EEF1AKMT3: variants seen among roughly 807,000 people sequenced by gnomAD.
The protein encoded by EEF1AKMT3 is eEF1A-KMT3.
A neutral mutation model predicts 17.8 loss-of-function variants in EEF1AKMT3; 17 were observed. The ratio of observed to expected loss-of-function variants is 0.96; its 90% CI spans 0.65 to 1.43. EEF1AKMT3 has a LOEUF of 1.43. EEF1AKMT3 is among the 40% of genes most tolerant of loss of function. EEF1AKMT3 has a pLI of 0.00. For synonymous variants in EEF1AKMT3, 116 were observed against 126.5 expected (o/e 0.92, Z 0.56); for missense variants, 244 against 285.8 (o/e 0.85, Z 1.06).
At chr12:57,773,950 G>A (rs1279166950) in intron 2 of EEF1AKMT3, among the ~76,000 whole-genome samples, 1 of 152,174 alleles carries the variant, frequency 6.6e-6, no homozygotes, top group Non-Finnish European at 1.5e-5. Flanking sequence ...GATGTGTTTT[G>A]TAGGAAGCGG....
Position 57,782,252 on chromosome 12 carries a change from G to T in EEF1AKMT3, c.*1606G>T, listed in dbSNP as rs965571407. ...TAATTTGTCTTGCATGGACATTTGT[G>T]ATTCTCATTTTCTCACCATTAAATT... On this transcript the variant is annotated 3_prime_UTR_variant, in exon 3 of 3. Coordinates refer to ENST00000300209, the MANE Select transcript of EEF1AKMT3 (RefSeq NM_015433.3). The T allele has an allele frequency of 2.0e-5, 3 of 152,322 alleles. No homozygotes were observed. The highest frequency in any genetic ancestry group is 7.2e-5 in the African/African-American group (3 of 41,418). The allele number at this position is 152,322 out of a possible 1,614,324, so 9.4% of individuals were successfully genotyped here.
chr12:57,777,481 C>T (rs903201257), intron 2 of EEF1AKMT3, among the ~76,000 whole-genome samples: 10 of 152,186 alleles, frequency 6.6e-5, no homozygotes, highest in African/African-American at 2.4e-4. Context: ...TATCAGCCTA[C>T]CTTTGATAAC....
At chr12:57,773,878 A>T (rs10877014) in intron 2 of EEF1AKMT3, among the ~76,000 whole-genome samples, 2 of 151,988 alleles carry the variant, frequency 1.3e-5, no homozygotes, top group African/African-American at 4.8e-5. Flanking sequence ...TTATGAATAT[A>T]TTTCAGATTC....
rs761840068 is a variant in EEF1AKMT3 at position 57,780,273 on chromosome 12, C to T, written c.308C>T (p.Thr103Ile). ...AALQGGDVTI[T>I]DLPLALEQIQ... ...CTCTCAGGGGGGGATGTTACCATCACTGACCTGCCCCTGGCCCTAGAACAG... is the reference window on the plus strand; with the variant it reads ...CTCTCAGGGGGGGATGTTACCATCATTGACCTGCCCCTGGCCCTAGAACAG... The change falls in exon 3 of 3, where the codon ACT becomes ATT. Residue 103 changes from threonine to isoleucine, a missense_variant. Transcript: ENST00000300209. The T allele has an allele frequency of 1.9e-6, 3 of 1,613,206 alleles. No individual in the cohort carries two copies. Among genetic ancestry groups the T allele is most frequent in the Non-Finnish European group, 2.5e-6 (3 of 1,179,826 alleles).
chr12:57,779,735 C>G (rs981844790), intron 2 of EEF1AKMT3, among the ~76,000 whole-genome samples: 3 of 152,188 alleles, frequency 2.0e-5, no homozygotes, highest in Non-Finnish European at 1.5e-5. Flanking sequence ...TAATCACTTT[C>G]CCTTTGTCTC....
Position 57,780,323 on chromosome 12 carries a change from G to T in EEF1AKMT3, c.358G>T (p.Val120Leu), listed in dbSNP as rs749283251. 9.9e-6 allele frequency: 16 copies of T among 1,614,174 alleles called. No homozygotes were observed. Among genetic ancestry groups the T allele is most frequent in the Non-Finnish European group, 1.4e-5 (16 of 1,180,030 alleles). Reference sequence around the variant, plus strand: ...GATCCAGGGCAACGTCCAGGCCAATGTGCCAGCTGGAGGCCAGGCCCAGGT... The same window carrying T: ...GATCCAGGGCAACGTCCAGGCCAATTTGCCAGCTGGAGGCCAGGCCCAGGT... ...EQIQGNVQAN[V>L]PAGGQAQVRA... The change falls in exon 3 of 3, where the codon GTG becomes TTG. Residue 120 changes from valine to leucine, a missense_variant. Transcript: ENST00000300209.
chr12:57,777,893 C>A lies in EEF1AKMT3; in HGVS notation c.290-2362C>A, dbSNP rs141277723. On this transcript the variant is annotated intron_variant, in intron 2 of 2. Transcript: ENST00000300209. ...AATTAGCCGGGCGTGGTGGCAGGCG[C>A]CTGTAATCCCAGCTACTTGCGAGGC... is the stretch of plus-strand genomic sequence containing the variant. 2.9e-3 allele frequency among the ~76,000 whole-genome samples: 439 copies of A among 152,206 alleles called. 7 individuals carry two copies. Among genetic ancestry groups the A allele is most frequent in the African/African-American group, 0.01 (428 of 41,510 alleles).
chr12:57,778,170 T>C (rs1008066728), intron 2 of EEF1AKMT3, among the ~76,000 whole-genome samples: 1 of 152,012 alleles, frequency 6.6e-6, no homozygotes, highest in East Asian at 1.9e-4. Context: ...AAACTTAACG[T>C]GCTCAGAAAA....
intron 2 of EEF1AKMT3, among the ~76,000 whole-genome samples, chr12:57,774,415 G>C (rs766348574): frequency 6.6e-6 from 1 of 152,170 alleles, no homozygotes; most frequent in Non-Finnish European, 1.5e-5. Flanking sequence ...GGGAGGTGAA[G>C]GTTGCAGTGA....
chr12:57,773,763 A>G (rs1230330117), intron 2 of EEF1AKMT3, among the ~76,000 whole-genome samples: 5 of 152,170 alleles, frequency 3.3e-5, no homozygotes, highest in Admixed American at 3.3e-4. Flanking sequence ...CTGTCACTTA[A>G]AAGCGCCTTG....
At chr12:57,774,681 C>CT (rs1258175499) in intron 2 of EEF1AKMT3, 1 of 1,611,722 alleles carries the variant, frequency 6.2e-7, no homozygotes, top group African/African-American at 1.3e-5. Flanking sequence ...AACAAGAACT[C>CT]TGGCGAGGTA....
Position 57,772,661 on chromosome 12 carries a change from C to A in EEF1AKMT3, c.-64C>A. On this transcript the variant is annotated 5_prime_UTR_variant, in exon 1 of 3. Transcript: ENST00000300209. The surrounding 1 kb of genome is among the most constrained non-coding windows in gnomAD (Gnocchi z 4.1). Reference sequence around the variant, plus strand: ...GACGGCTCGCGGCCCCCAGCCTCTACCCCGCTCCGGATCCGGGATCTGAGC... The same window carrying A: ...GACGGCTCGCGGCCCCCAGCCTCTAACCCGCTCCGGATCCGGGATCTGAGC... 5.9e-6 allele frequency: 9 copies of A among 1,522,534 alleles called. No individual in the cohort carries two copies. Among genetic ancestry groups the A allele is most frequent in the Non-Finnish European group, 7.9e-6 (9 of 1,133,914 alleles). The allele number at this position is 1,522,534 out of a possible 1,614,324, so 94.3% of individuals were successfully genotyped here. A position where few individuals can be genotyped will look rare whatever the true frequency, so the allele number is the denominator to read the frequency against.
chr12:57,779,436 A>G (rs1309025293), intron 2 of EEF1AKMT3, among the ~76,000 whole-genome samples: 1 of 152,190 alleles, frequency 6.6e-6, no homozygotes, highest in Non-Finnish European at 1.5e-5. Flanking sequence ...ATATAGGCAC[A>G]TAATAAATAT....
intron 2 of EEF1AKMT3, chr12:57,774,738 C>T: frequency 6.2e-7 from 1 of 1,611,884 alleles, no homozygotes; most frequent in Non-Finnish European, 8.5e-7. Context: ...CCATGACTCC[C>T]TGGGAATCCA....
rs183768002 is a variant in EEF1AKMT3, at chr12:57,781,649, T to A, written c.*1003T>A. 7.2e-4 allele frequency: 109 copies of A among 152,344 alleles called. No homozygotes were observed. Among genetic ancestry groups the A allele is most frequent in the African/African-American group, 2.6e-3 (108 of 41,596 alleles). The allele number at this position is 152,344 out of a possible 1,614,324, so 9.4% of individuals were successfully genotyped here. On this transcript the variant is annotated 3_prime_UTR_variant, in exon 3 of 3. Transcript: ENST00000300209. ...GAATACTGTACCTAGTACTAAGTTCTTTTCATCTTTGATTTTTCTTTAGCT... is the reference window on the plus strand; with the variant it reads ...GAATACTGTACCTAGTACTAAGTTCATTTCATCTTTGATTTTTCTTTAGCT...
chr12:57,776,801 C>A (rs1024187375), intron 2 of EEF1AKMT3, among the ~76,000 whole-genome samples: 5 of 152,128 alleles, frequency 3.3e-5, no homozygotes, highest in Non-Finnish European at 5.9e-5. Flanking sequence ...CAGGCACGCA[C>A]CACCATGCCT....
chr12:57,774,068 A>G (rs1056486719), intron 2 of EEF1AKMT3, among the ~76,000 whole-genome samples: 5 of 152,204 alleles, frequency 3.3e-5, no homozygotes, highest in Admixed American at 2.6e-4. Flanking sequence ...ACAAATTATA[A>G]TCTAATGGGC....
intron 2 of EEF1AKMT3, among the ~76,000 whole-genome samples, chr12:57,773,585 AC>A (rs1955460584): frequency 6.6e-6 from 1 of 151,928 alleles, no homozygotes; most frequent in South Asian, 2.1e-4. Flanking sequence ...GCGCTACCAT[AC>A]CCGGCTACTT....
rs756658149 is a variant in EEF1AKMT3, at chr12:57,780,470, C to T, written c.505C>T (p.Leu169=). ...FPLLLGTLQH[L]CRPHGTIYLA... Reference sequence around the variant, plus strand: ...TCTGCTGCTGGGGACCCTCCAACACCTGTGCAGGCCCCATGGCACCATCTA... The same window carrying T: ...TCTGCTGCTGGGGACCCTCCAACACTTGTGCAGGCCCCATGGCACCATCTA... The change falls in exon 3 of 3, where the codon CTG becomes TTG. Residue 169 remains leucine (L), a synonymous_variant. Transcript: ENST00000300209. 1.2e-5 allele frequency: 19 copies of T among 1,614,102 alleles called. No individual in the cohort carries two copies. In the East Asian group the frequency reaches 4.2e-4, roughly 36 times the overall value.
Sources: allele counts gnomAD v4.1 joint callset (sites outside exome capture counted in the v4.1 genomes callset), GRCh38; gene constraint gnomAD v4.1.1; non-coding constraint Gnocchi (gnomAD v3.1); transcripts MANE v1.5; gene names NCBI Gene and HGNC (gene_info 2026-07-23, HGNC 2026-07-21).